The following MITF variants were observed in gnomAD, a reference collection of about 807,000 sequenced individuals.
MITF encodes the protein melanocyte inducing transcription factor.
A neutral mutation model predicts 60.5 loss-of-function variants in MITF; 17 were observed. The observed-to-expected ratio is 0.28, with a 90% CI of 0.19 to 0.42. The LOEUF is 0.42. Among genes scored for constraint, MITF ranks in the 10% least tolerant of loss-of-function variants. MITF has a pLI of 1.00. For missense variants in MITF, 622 were observed against 683.5 expected (o/e 0.91, Z 1.00); for synonymous variants, 260 against 248.5 (o/e 1.05, Z -0.43).
At position 69,960,509 on chromosome 3, in the gene MITF, CA is replaced by C. The variant is rs1480761204; in HGVS notation, c.1179+1094del. Among the ~76,000 whole-genome samples the C allele has an allele frequency of 1.4e-4, 21 of 152,216 alleles. No homozygotes were observed. The South Asian group carries it at 4.4e-3, about 32-fold the overall frequency. ...GCACTACTTCCTCTGAAATGATCCTCAAAAACAGACTCCCTGTTATGGACCA... is the reference window on the plus strand; with the variant it reads ...GCACTACTTCCTCTGAAATGATCCTCAAAACAGACTCCCTGTTATGGACCA... On this transcript the variant is annotated intron_variant, in intron 9 of 9. Coordinates refer to ENST00000352241, the MANE Select transcript of MITF (RefSeq NM_001354604.2).
intron 1 of MITF, among the ~76,000 whole-genome samples, chr3:69,774,616 A>G (rs2062445638): frequency 1.3e-5 from 2 of 152,138 alleles, no homozygotes; most frequent in Non-Finnish European, 2.9e-5. Flanking sequence ...GCCTAGGAGT[A>G]TTCTAAGTTT....
chr3:69,951,815 G>T lies in MITF; in HGVS notation c.884G>T (p.Cys295Phe). ...LPNIKRELTACIFPTESEARA... is the reference protein window; with the variant it reads ...LPNIKRELTAFIFPTESEARA... Reference sequence around the variant, plus strand: ...ATGACTTCATTCACGTGCACAGCGTGTATTTTTCCCACAGAGTCTGAAGCA... The same window carrying T: ...ATGACTTCATTCACGTGCACAGCGTTTATTTTTCCCACAGAGTCTGAAGCA... The change falls in exon 7 of 10, where the codon TGT becomes TTT. Residue 295 changes from cysteine to phenylalanine, a missense_variant. By Grantham distance (205) the Cys-to-Phe change is radical. This residue lies in a region of MITF where 215 missense variants were observed against 224.8 expected (regional missense o/e 0.96). Transcript: ENST00000352241. 6.2e-7 allele frequency: 1 copy of T among 1,613,186 alleles called. No homozygotes were observed. The highest frequency in any genetic ancestry group is 8.5e-7 in the Non-Finnish European group (1 of 1,179,372).
chr3:69,889,756 A>T (rs993012266), intron 2 of MITF, among the ~76,000 whole-genome samples: 1 of 152,142 alleles, frequency 6.6e-6, no homozygotes, highest in Non-Finnish European at 1.5e-5. Context: ...TTAGATTCAT[A>T]TACCTAACTT....
intron 1 of MITF, among the ~76,000 whole-genome samples, chr3:69,769,204 T>C (rs2062352735): frequency 6.6e-6 from 1 of 152,156 alleles, no homozygotes; most frequent in African/African-American, 2.4e-5. Flanking sequence ...TGTAAAATAA[T>C]AATAACAGTA....
chr3:69,909,371 C>T (rs933263039), intron 2 of MITF, among the ~76,000 whole-genome samples: 3 of 152,148 alleles, frequency 2.0e-5, no homozygotes, highest in Non-Finnish European at 2.9e-5. Context: ...TCTTTATCAG[C>T]AGTGTGAAAA....
In MITF at chr3:69,893,041, G is replaced by A. The variant is rs767796768; in HGVS notation, c.354+13658G>A. ...TGATGCTGGAGTCCTTAACATGCAC[G>A]TCCAGCACGATGACCAAGTACAGCC... On this transcript the variant is annotated intron_variant, in intron 2 of 9. Coordinates refer to ENST00000352241, the MANE Select transcript of MITF (RefSeq NM_001354604.2). 1.3e-4 allele frequency among the ~76,000 whole-genome samples: 20 copies of A among 152,222 alleles called. No individual in the cohort carries two copies. The South Asian group carries it at 1.5e-3, about 11-fold the overall frequency.
chr3:69,796,905 A>T (rs1207234744), intron 1 of MITF, among the ~76,000 whole-genome samples: 1 of 152,210 alleles, frequency 6.6e-6, no homozygotes, highest in Non-Finnish European at 1.5e-5. Flanking sequence ...AGTGATGTGT[A>T]GGGGTTAAGT....
At chr3:69,813,442 G>A (rs1417340241) in intron 1 of MITF, among the ~76,000 whole-genome samples, 2 of 152,150 alleles carry the variant, frequency 1.3e-5, no homozygotes, top group Non-Finnish European at 2.9e-5. Flanking sequence ...TTATGTGATA[G>A]GCAAAAGTTT....
At chr3:69,772,887 G>A (rs2062414514) in intron 1 of MITF, among the ~76,000 whole-genome samples, 2 of 152,068 alleles carry the variant, frequency 1.3e-5, no homozygotes, top group South Asian at 4.2e-4. Context: ...AATACAGCAG[G>A]GCACCAAACT....
At chr3:69,943,388 G>C (rs908281358) in intron 5 of MITF, among the ~76,000 whole-genome samples, 2 of 152,014 alleles carry the variant, frequency 1.3e-5, no homozygotes, top group Non-Finnish European at 2.9e-5. Flanking sequence ...CTGTGACCTT[G>C]CATGTTATTT....
chr3:69,792,880 C>T (rs1446731755), intron 1 of MITF, among the ~76,000 whole-genome samples: 1 of 151,066 alleles, frequency 6.6e-6, no homozygotes, highest in South Asian at 2.1e-4. Flanking sequence ...ATTACACATA[C>T]ATATTTTTAA....
At chr3:69,790,001 G>GCTT (rs2062714568) in intron 1 of MITF, among the ~76,000 whole-genome samples, 1 of 152,170 alleles carries the variant, frequency 6.6e-6, no homozygotes, top group African/African-American at 2.4e-5. Flanking sequence ...AGTCACAATA[G>GCTT]CCAAGAGTGG....
intron 1 of MITF, among the ~76,000 whole-genome samples, chr3:69,844,874 T>C (rs563172491): frequency 9.9e-5 from 15 of 152,206 alleles, no homozygotes; most frequent in Non-Finnish European, 1.8e-4. Flanking sequence ...AAATCAGATC[T>C]GGTAACATTG....
intron 1 of MITF, among the ~76,000 whole-genome samples, chr3:69,852,982 A>G (rs539666417): frequency 2.6e-5 from 4 of 152,192 alleles, no homozygotes; most frequent in Non-Finnish European, 5.9e-5. Flanking sequence ...GAATCATTAC[A>G]ATAGATAAGT....
intron 1 of MITF, among the ~76,000 whole-genome samples, chr3:69,850,629 A>AGAACCGATGTGCTGTCATTAAC (rs1383368611): frequency 3.3e-5 from 5 of 152,210 alleles, no homozygotes; most frequent in Non-Finnish European, 5.9e-5. Flanking sequence ...TTAAAGACTT[A>AGAACCGATGTGCTGTCATTAAC]GAACCGATGT....
chr3:69,820,786 C>T (rs937285275), intron 1 of MITF, among the ~76,000 whole-genome samples: 8 of 152,102 alleles, frequency 5.3e-5, no homozygotes, highest in Non-Finnish European at 1.2e-4. Flanking sequence ...CTTTGGGCAA[C>T]ATCGTGAAAA....
intron 1 of MITF, among the ~76,000 whole-genome samples, chr3:69,795,457 G>A (rs62250980): frequency 0.15 from 23,162 of 152,106 alleles, 2,086 homozygotes; most frequent in South Asian, 0.21. Context: ...TGGGCATAGC[G>A]GCTTATTCCT....
intron 1 of MITF, among the ~76,000 whole-genome samples, chr3:69,785,274 CAG>C (rs1399973192): frequency 6.8e-5 from 3 of 44,370 alleles, no homozygotes; most frequent in East Asian, 7.4e-4. Context: ...TAACAGCAAG[CAG>C]CAGCAGCAGC....
intron 1 of MITF, among the ~76,000 whole-genome samples, chr3:69,756,633 C>A (rs527289819): frequency 6.6e-6 from 1 of 152,228 alleles, no homozygotes; most frequent in African/African-American, 2.4e-5. Flanking sequence ...GATTTATAAT[C>A]CTTTGGGTAT....
Sources: gnomAD v4.1 joint callset for allele counts (sites outside exome capture counted in the v4.1 genomes callset) on GRCh38, gnomAD v4.1.1 for gene constraint, gnomAD v4.1.1 regional missense constraint, MANE v1.5 for transcripts, NCBI Gene and HGNC (gene_info 2026-07-23, HGNC 2026-07-21) for gene names.